ADAM12: variants seen among roughly 807,000 people sequenced by gnomAD.
ADAM12 encodes the protein disintegrin and metalloproteinase domain-containing protein 12.
A neutral mutation model predicts 106.4 loss-of-function variants in ADAM12; 70 were observed. The ratio of observed to expected loss-of-function variants is 0.66; its 90% confidence interval spans 0.54 to 0.80. The LOEUF is 0.80. ADAM12 is among the 30% of genes least tolerant of loss of function. The pLI is 0.00. For synonymous variants in ADAM12, 420 were observed against 433.5 expected, an observed-to-expected ratio of 0.97 and a Z score of 0.39; for missense variants, 1,010 against 1,171.9, an observed-to-expected ratio of 0.86 and a Z score of 2.02.
intron 14 of ADAM12, among the ~76,000 whole-genome samples, chr10:126,056,342 T>G (rs1954630494): frequency 6.6e-6 from 1 of 152,232 alleles, no homozygotes; most frequent in Non-Finnish European, 1.5e-5. Context: ...AGGCAGGCTA[T>G]GATTTCATCA....
At chr10:126,065,984 A>G (rs1217800407) in intron 13 of ADAM12, among the ~76,000 whole-genome samples, 1 of 152,214 alleles carries the variant, frequency 6.6e-6, no homozygotes. Flanking sequence ...CGAACATTAA[A>G]TGTTATAATG....
intron 3 of ADAM12, among the ~76,000 whole-genome samples, chr10:126,189,962 G>A (rs1298199073): frequency 6.6e-6 from 1 of 152,100 alleles, no homozygotes; most frequent in African/African-American, 2.4e-5. Context: ...TAATCCTGTA[G>A]ACGTTTGTCT....
intron 2 of ADAM12, among the ~76,000 whole-genome samples, chr10:126,318,452 A>T (rs754122971): frequency 1.8e-4 from 27 of 151,894 alleles, no homozygotes; most frequent in Non-Finnish European, 3.4e-4. Flanking sequence ...ATACATTCAA[A>T]CTCATGCAGT....
At chr10:126,037,225 T>C (rs1954076016) in intron 20 of ADAM12, among the ~76,000 whole-genome samples, 1 of 152,072 alleles carries the variant, frequency 6.6e-6, no homozygotes, top group African/African-American at 2.4e-5. Flanking sequence ...GTTTATCCTT[T>C]TACTGGTTGA....
At chr10:126,375,981 T>TC (rs1184987819) in intron 1 of ADAM12, among the ~76,000 whole-genome samples, 1 of 149,350 alleles carries the variant, frequency 6.7e-6, no homozygotes, top group African/African-American at 2.5e-5. Flanking sequence ...GCTCAAGTAA[T>TC]CCCCCCTCCC....
chr10:126,250,918 A>C (rs1393269653), intron 3 of ADAM12, among the ~76,000 whole-genome samples: 1 of 152,254 alleles, frequency 6.6e-6, no homozygotes, highest in African/African-American at 2.4e-5. Context: ...GCTATCAGCC[A>C]TTCCAATTTA....
intron 11 of ADAM12, among the ~76,000 whole-genome samples, chr10:126,080,944 G>A (rs1016587084): frequency 6.6e-6 from 1 of 152,126 alleles, no homozygotes; most frequent in African/African-American, 2.4e-5. Flanking sequence ...ATATTCTTGG[G>A]GGTGAATCAC....
intron 2 of ADAM12, among the ~76,000 whole-genome samples, chr10:126,324,377 G>A (rs1854216999): frequency 6.6e-6 from 1 of 152,204 alleles, no homozygotes; most frequent in African/African-American, 2.4e-5. Context: ...TTAGGCAACT[G>A]GCTGCCCTGA....
At chr10:126,045,151 A>ATT (rs201867357) in intron 17 of ADAM12, among the ~76,000 whole-genome samples, 3 of 152,030 alleles carry the variant, frequency 2.0e-5, no homozygotes, top group Middle Eastern at 6.8e-3. Context: ...TGGGCACACC[A>ATT]TCCCCACAGC....
At chr10:126,147,835 G>A (rs1037084669) in intron 4 of ADAM12, among the ~76,000 whole-genome samples, 2 of 152,222 alleles carry the variant, frequency 1.3e-5, no homozygotes, top group Admixed American at 6.5e-5. Flanking sequence ...AATCCCTGCT[G>A]TATTCTCAGC....
chr10:126,292,930 T>C (rs540956348), intron 2 of ADAM12, among the ~76,000 whole-genome samples: 1 of 152,334 alleles, frequency 6.6e-6, no homozygotes, highest in East Asian at 1.9e-4. Context: ...TTACAACAGA[T>C]ATCATTGCGC....
chr10:126,312,302 G>A (rs566703248), intron 2 of ADAM12, among the ~76,000 whole-genome samples: 10 of 152,102 alleles, frequency 6.6e-5, no homozygotes, highest in Non-Finnish European at 2.9e-5. Flanking sequence ...GAGGGAACCC[G>A]ACAGCGGGGC....
chr10:126,383,043 CA>C (rs1365258989), intron 1 of ADAM12, among the ~76,000 whole-genome samples: 2 of 152,176 alleles, frequency 1.3e-5, no homozygotes, highest in African/African-American at 2.4e-5. Context: ...CTCCTGGACT[CA>C]AGTGATCCTC....
At chr10:126,093,679 TA>T (rs1205221759) in intron 11 of ADAM12, among the ~76,000 whole-genome samples, 1 of 152,116 alleles carries the variant, frequency 6.6e-6, no homozygotes, top group Non-Finnish European at 1.5e-5. Flanking sequence ...TAGGCTCAAA[TA>T]AAAAACACTT....
chr10:126,217,369 C>CTTTTTT (rs1296671044), intron 3 of ADAM12, among the ~76,000 whole-genome samples: 2 of 143,272 alleles, frequency 1.4e-5, no homozygotes, highest in Non-Finnish European at 3.1e-5. Flanking sequence ...GCATTTGGAA[C>CTTTTTT]TTTTTTTTTT....
At chr10:126,196,413 T>A (rs1013482134) in intron 3 of ADAM12, among the ~76,000 whole-genome samples, 1 of 152,224 alleles carries the variant, frequency 6.6e-6, no homozygotes, top group Non-Finnish European at 1.5e-5. Flanking sequence ...GGTTCCCTCA[T>A]CAATCAGCTG....
chr10:126,176,577 T>G (rs1465193027), intron 3 of ADAM12, among the ~76,000 whole-genome samples: 1 of 152,202 alleles, frequency 6.6e-6, no homozygotes, highest in Non-Finnish European at 1.5e-5. Flanking sequence ...AATACGTAAA[T>G]AGTTAAATCA....
chr10:126,018,478 G>C (rs1953700368), intron 22 of ADAM12, among the ~76,000 whole-genome samples: 1 of 152,116 alleles, frequency 6.6e-6, no homozygotes, highest in African/African-American at 2.4e-5. Context: ...CCATGACCTA[G>C]GTTTTCTGCC....
intron 2 of ADAM12, among the ~76,000 whole-genome samples, chr10:126,302,673 G>GT (rs1028425531): frequency 6.6e-6 from 1 of 152,068 alleles, no homozygotes; most frequent in Admixed American, 6.5e-5. Context: ...GTATTCAATT[G>GT]TTTTTTAAAA....
Sources: gnomAD v4.1 joint callset for allele counts (sites outside exome capture counted in the v4.1 genomes callset) on GRCh38, gnomAD v4.1.1 for gene constraint, MANE v1.5 for transcripts, NCBI Gene and HGNC (gene_info 2026-07-23, HGNC 2026-07-21) for gene names.